The following KIF1A variants were observed in gnomAD, a reference collection of about 807,000 sequenced individuals.
KIF1A encodes kinesin-like protein KIF1A.
KIF1A carries 46 observed loss-of-function variants against 227.3 expected under a neutral mutation model. The ratio of observed to expected loss-of-function variants is 0.20; its 90% CI spans 0.16 to 0.26. The LOEUF (loss-of-function observed/expected upper bound fraction) is 0.26, where lower values mean the gene tolerates loss of function less well. Among genes scored for constraint, KIF1A ranks in the 10% least tolerant of loss-of-function variants. The probability of loss-of-function intolerance (pLI) is 1.00; values close to 1 mark genes in which losing one functional copy is unlikely to be tolerated. For missense variants in KIF1A, 1,683 were observed against 2,485.9 expected (o/e 0.68, Z 6.87); for synonymous variants, 1,022 against 1,012.8 (o/e 1.01, Z -0.17).
intron 38 of KIF1A, among the ~76,000 whole-genome samples, chr2:240,729,717 G>C (rs560392278): frequency 3.3e-5 from 5 of 152,366 alleles, no homozygotes; most frequent in African/African-American, 1.2e-4. Flanking sequence ...GCTTTGCCCT[G>C]CTCAGACCCC....
intron 6 of KIF1A, among the ~76,000 whole-genome samples, chr2:240,786,077 C>T (rs1039546712): frequency 1.3e-5 from 2 of 152,188 alleles, no homozygotes; most frequent in South Asian, 2.1e-4. Context: ...CAGCACCCCC[C>T]GGGCACCTCA....
chr2:240,804,863 C>T (rs532210119), intron 1 of KIF1A, among the ~76,000 whole-genome samples: 1 of 152,208 alleles, frequency 6.6e-6, no homozygotes, highest in East Asian at 1.9e-4. Context: ...TACAAATCCT[C>T]CCAGGAGAAG....
rs2125866019 is a variant in KIF1A, at chr2:240,757,140, G to A, written c.2858+179C>T. 1.3e-5 allele frequency among the ~76,000 whole-genome samples: 2 copies of A among 152,332 alleles called. No homozygotes were observed. Among genetic ancestry groups the A allele is most frequent in the East Asian group, 3.9e-4 (2 of 5,176 alleles). The stretch of plus-strand genomic sequence containing the variant: ...TCCAGGATGGGTGAGCAGCCCCACT[G>A]CAAGGATGCAGGGCCCGGGGGCCCT... On this transcript the variant is annotated intron_variant, in intron 27 of 48. Coordinates refer to ENST00000498729, the MANE Select transcript of KIF1A (RefSeq NM_001244008.2). This position sits in a 1 kb window ranked among gnomAD's most constrained non-coding sequence, Gnocchi z 6.2.
intron 38 of KIF1A, among the ~76,000 whole-genome samples, chr2:240,735,477 G>A (rs1228176089): frequency 6.6e-6 from 1 of 152,190 alleles, no homozygotes; most frequent in African/African-American, 2.4e-5. Context: ...ATAGCAGGTG[G>A]GGTTGGGGGG....
rs1373970839 is a variant in KIF1A at position 240,786,660 on chromosome 2, G to A, written c.430-147C>T. On this transcript the variant is annotated intron_variant, in intron 5 of 48. Transcript: ENST00000498729. ...CCGCCATCAGGACCCCTGAGTGAGG[G>A]GGTGGGGGCCACCACCAGGACCCCT... The A allele has an allele frequency of 8.6e-5, 57 of 662,082 alleles. No individual in the cohort carries two copies. In the African/African-American group the frequency reaches 9.6e-4, roughly 11 times the overall value. The allele number at this position is 662,082 out of a possible 1,614,324, so 41.0% of individuals were successfully genotyped here.
At position 240,775,750 on chromosome 2, in the gene KIF1A, G is replaced by C. The variant is rs1051438229; in HGVS notation, c.958+101C>G. ...CTCCCAGCCTCAGCCCAGAAAGGGT[G>C]AGAGGCCTGCTGGCGACTGGGCACC... is the stretch of plus-strand genomic sequence containing the variant. On this transcript the variant is annotated intron_variant, in intron 11 of 48. Coordinates refer to ENST00000498729, the MANE Select transcript of KIF1A (RefSeq NM_001244008.2). This position sits in a 1 kb window ranked among gnomAD's most constrained non-coding sequence, Gnocchi z 5.5. The C allele has an allele frequency of 1.3e-6, 1 of 794,978 alleles. No homozygotes were observed. Among genetic ancestry groups the C allele is most frequent in the Non-Finnish European group, 2.2e-6 (1 of 452,534 alleles). The allele number at this position is 794,978 out of a possible 1,614,324, so 49.2% of individuals were successfully genotyped here. A position where few individuals can be genotyped will look rare whatever the true frequency, so the allele number is the denominator to read the frequency against.
At position 240,771,060 on chromosome 2, in the gene KIF1A, C is replaced by T; in HGVS notation, c.1252G>A (p.Ala418Thr). 4.3e-6 allele frequency: 7 copies of T among 1,613,452 alleles called. No homozygotes were observed. The highest frequency in any genetic ancestry group is 5.9e-6 in the Non-Finnish European group (7 of 1,179,832). ...VGMSPSSSLSALSSRAASVSS... is the reference protein window; with the variant it reads ...VGMSPSSSLSTLSSRAASVSS... ...ACGGAGGCCGCGCGGCTGGACAGGGCTGAGAGCGAGGATGAGGGGCTCATA... is the reference window on the plus strand; with the variant it reads ...ACGGAGGCCGCGCGGCTGGACAGGGTTGAGAGCGAGGATGAGGGGCTCATA... Residue 418 changes from alanine (A) to threonine (T), a missense_variant, in exon 15 of 49, where the codon GCC becomes ACC. Ala to Thr is a moderately conservative substitution (Grantham distance 58). This residue lies in a region of KIF1A where 110 missense variants were observed against 133.1 expected (regional missense o/e 0.83). Coordinates refer to ENST00000498729, the MANE Select transcript of KIF1A (RefSeq NM_001244008.2).
At chr2:240,791,707 C>T (rs1575643850) in intron 2 of KIF1A, among the ~76,000 whole-genome samples, 2 of 152,234 alleles carry the variant, frequency 1.3e-5, no homozygotes, top group East Asian at 1.9e-4. Context: ...GAGGTGGGGG[C>T]CCTCTGGGAC....
At chr2:240,727,757 C>G (rs1194388609) in intron 38 of KIF1A, among the ~76,000 whole-genome samples, 1 of 152,314 alleles carries the variant, frequency 6.6e-6, no homozygotes, top group Admixed American at 6.5e-5. Flanking sequence ...TTTACATCCC[C>G]ATGGGGTCGA....
intron 1 of KIF1A, among the ~76,000 whole-genome samples, chr2:240,812,272 C>T (rs74818535): frequency 0.062 from 9,439 of 152,226 alleles, 395 homozygotes; most frequent in Non-Finnish European, 0.094. Flanking sequence ...GGGGGTGGCA[C>T]CAAGGCAGAT....
Position 240,761,332 on chromosome 2 carries a change from C to A in KIF1A, c.2162G>T (p.Arg721Leu), listed in dbSNP as rs1159860840. The part of the protein sequence containing the change: ...RECELALWAF[R>L]KWKWYQFTSL... ...CGTGAACTGGTACCACTTCCACTTC[C>A]GGAAGGCCCAGAGCGCCAGCTCACA... The change falls in exon 24 of 49, where the codon CGG (arginine) becomes CTG (leucine). Residue 721 changes from arginine to leucine, a missense_variant. Coordinates refer to ENST00000498729, the MANE Select transcript of KIF1A (RefSeq NM_001244008.2). 3 of 1,613,412 alleles carry A rather than the reference C, an allele frequency of 1.9e-6. No homozygotes were observed. The highest frequency in any genetic ancestry group is 2.5e-6 in the Non-Finnish European group (3 of 1,179,668).
At chr2:240,771,629 A>C in intron 14 of KIF1A, among the ~76,000 whole-genome samples, 2 of 151,548 alleles carry the variant, frequency 1.3e-5, no homozygotes, top group South Asian at 2.1e-4. Flanking sequence ...CCCCGTGCAG[A>C]CCCCCACGCT....
At chr2:240,768,803 G>C (rs1272021501) in intron 17 of KIF1A, among the ~76,000 whole-genome samples, 1 of 152,168 alleles carries the variant, frequency 6.6e-6, no homozygotes, top group Non-Finnish European at 1.5e-5. Flanking sequence ...TCCAGGGCAG[G>C]TCCAGGCCCC....
At chr2:240,743,917 G>A (rs373862819) in intron 33 of KIF1A, 25 bp downstream of exon 33, 94 of 1,502,504 alleles carry the variant, frequency 6.3e-5, no homozygotes, top group East Asian at 2.3e-4. Flanking sequence ...CAGCAGCCCC[G>A]AACCCCCCGA....
At chr2:240,797,583 G>T in intron 2 of KIF1A, 64 bp downstream of exon 2, 1 of 1,165,692 alleles carries the variant, frequency 8.6e-7, no homozygotes, top group Non-Finnish European at 1.3e-6. Context: ...CTGGCCCATA[G>T]GCACAGGACC....
chr2:240,761,397 G>A lies in KIF1A; in HGVS notation c.2117-20C>T, dbSNP rs200852469. ...ACTGGACTGTGGGGAGAGGTCACAC[G>A]TGGTCATCGCAGGAAGGCCATGACC... On this transcript the variant is annotated intron_variant, in intron 23 of 48. Coordinates refer to ENST00000498729, the MANE Select transcript of KIF1A (RefSeq NM_001244008.2). The A allele has an allele frequency of 6.3e-4, 987 of 1,567,010 alleles. 3 individuals carry two copies. The highest frequency in any genetic ancestry group is 7.3e-4 in the Non-Finnish European group (845 of 1,151,628).
At chr2:240,735,012 G>A (rs2047162769) in intron 38 of KIF1A, among the ~76,000 whole-genome samples, 1 of 152,188 alleles carries the variant, frequency 6.6e-6, no homozygotes, top group African/African-American at 2.4e-5. Context: ...GCCCATCATG[G>A]GGCTGAGGAC....
In KIF1A at chr2:240,743,642, C is replaced by T. The variant is rs534511564; in HGVS notation, c.3584+300G>A. Among the ~76,000 whole-genome samples the T allele has an allele frequency of 3.3e-5, 5 of 152,280 alleles. No homozygotes were observed. In the South Asian group the frequency reaches 1.0e-3, roughly 32 times the overall value. On this transcript the variant is annotated intron_variant, in intron 33 of 48. Transcript: ENST00000498729. The stretch of plus-strand genomic sequence containing the variant: ...CGGTGGGCAGCAGAAGTGGTCTCCC[C>T]GGGGCCACCCCAGCATCCTACAGCT...
chr2:240,781,463 CCACACACACA>C lies in KIF1A; in HGVS notation c.882+1117_882+1126del, dbSNP rs34158686. ...CACACACACACACACACACACAGCT[CCACACACACA>C]CACACACACACACAGCTCCACACAC... On this transcript the variant is annotated intron_variant, in intron 10 of 48. Coordinates refer to ENST00000498729, the MANE Select transcript of KIF1A (RefSeq NM_001244008.2). Among the ~76,000 whole-genome samples the C allele has an allele frequency of 2.4e-4, 7 of 28,600 alleles. No individual in the cohort carries two copies. The East Asian group carries it at 3.8e-3, about 15-fold the overall frequency. The allele number at this position is 28,600 out of a possible 152,430, so 18.8% of individuals were successfully genotyped here.
Sources: gnomAD v4.1 joint callset for allele counts (sites outside exome capture counted in the v4.1 genomes callset) on GRCh38, gnomAD v4.1.1 for gene constraint, gnomAD v4.1.1 regional missense constraint, Gnocchi (gnomAD v3.1) non-coding constraint, MANE v1.5 for transcripts, NCBI Gene and HGNC (gene_info 2026-07-23, HGNC 2026-07-21) for gene names.